The following SAMHD1 variants were observed in gnomAD, a reference collection of about 807,000 sequenced individuals.
SAMHD1 encodes the protein SAM and HD domain containing deoxynucleoside triphosphate triphosphohydrolase 1.
A neutral mutation model predicts 79.6 loss-of-function variants in SAMHD1; 54 were observed. The observed-to-expected ratio is 0.68, with a 90% CI of 0.55 to 0.85. The LOEUF is 0.85. SAMHD1 is among the 40% of genes least tolerant of loss of function. The pLI is 0.00. For missense variants in SAMHD1, 663 were observed against 782.7 expected (o/e 0.85, Z 1.82); for synonymous variants, 260 against 264.1 (o/e 0.98, Z 0.15).
intron 4 of SAMHD1, among the ~76,000 whole-genome samples, chr20:36,933,769 G>A (rs62208123): frequency 1.3e-5 from 2 of 152,120 alleles, no homozygotes; most frequent in South Asian, 2.1e-4. Flanking sequence ...GAGATTGGCC[G>A]GGCACGGTGG....
At position 36,935,157 on chromosome 20, in the gene SAMHD1, C is replaced by G. The variant is rs777593201; in HGVS notation, c.381G>C (p.Glu127Asp). Residue 127 changes from glutamate (E) to aspartate (D), a missense_variant, in exon 4 of 16, where the codon GAG (glutamate) becomes GAC (aspartate). By Grantham distance (45) the Glu-to-Asp change is conservative. Coordinates refer to ENST00000646673, the MANE Select transcript of SAMHD1 (RefSeq NM_015474.4). ...TGATTCGGACGAGGAGAGGGTGGAGCTCAATGTGGCCATGGATAGGATCAT... is the reference window on the plus strand; with the variant it reads ...TGATTCGGACGAGGAGAGGGTGGAGGTCAATGTGGCCATGGATAGGATCAT... ...VINDPIHGHI[E>D]LHPLLVRIID... is the part of the protein sequence containing the mutation. The G allele has an allele frequency of 5.6e-6, 9 of 1,613,530 alleles. No homozygotes were observed. Among genetic ancestry groups the G allele is most frequent in the Non-Finnish European group, 7.6e-6 (9 of 1,179,598 alleles).
chr20:36,893,946 G>C (rs1331175560), intron 15 of SAMHD1: 1 of 398,480 alleles, frequency 2.5e-6, no homozygotes, highest in East Asian at 3.6e-5. Flanking sequence ...GTGAGAAGAG[G>C]GCAGAGAAGT....
Position 36,928,633 on chromosome 20 carries a change from C to T in SAMHD1, c.626-1381G>A, listed in dbSNP as rs556061786. Among the ~76,000 whole-genome samples, 21 of 150,292 alleles carry T rather than the reference C, an allele frequency of 1.4e-4. No homozygotes were observed. The South Asian group carries it at 4.4e-3, about 32-fold the overall frequency. ...CCGGGAGGCGGAGGTTGCAGTGAGCCGAGATTGCGCCACTGCACTCCAGCC... is the reference window on the plus strand; with the variant it reads ...CCGGGAGGCGGAGGTTGCAGTGAGCTGAGATTGCGCCACTGCACTCCAGCC... On this transcript the variant is annotated intron_variant, in intron 5 of 15. Transcript: ENST00000646673.
chr20:36,915,414 G>C (rs1249271725), intron 9 of SAMHD1, among the ~76,000 whole-genome samples: 2 of 152,114 alleles, frequency 1.3e-5, no homozygotes, highest in African/African-American at 4.8e-5. Flanking sequence ...TCAACAGAAG[G>C]CTATTTAGTT....
rs1352293534 is a variant in SAMHD1, at chr20:36,890,546, C to T, written c.*2386G>A. On this transcript the variant is annotated 3_prime_UTR_variant, in exon 16 of 16. Coordinates refer to ENST00000646673, the MANE Select transcript of SAMHD1 (RefSeq NM_015474.4). ...GTGGCCTGATCTTGGCTCACTGCAACCTCTGCCTCCCGGATTCAAGCGATT... is the reference window on the plus strand; with the variant it reads ...GTGGCCTGATCTTGGCTCACTGCAATCTCTGCCTCCCGGATTCAAGCGATT... 1 of 151,946 alleles carries T rather than the reference C, an allele frequency of 6.6e-6. No homozygotes were observed. The highest frequency in any genetic ancestry group is 1.5e-5 in the Non-Finnish European group (1 of 68,046). The allele number at this position is 151,946 out of a possible 1,614,324, so 9.4% of individuals were successfully genotyped here. A position where few individuals can be genotyped will look rare whatever the true frequency, so the allele number is the denominator to read the frequency against.
At chr20:36,904,005 T>A in intron 13 of SAMHD1, 152 bp downstream of exon 13, 1 of 624,278 alleles carries the variant, frequency 1.6e-6, no homozygotes, top group Non-Finnish European at 2.9e-6. Flanking sequence ...CAAAATGTTT[T>A]TGTGGTTAAT....
Position 36,930,760 on chromosome 20 carries a change from C to T in SAMHD1, c.625G>A (p.Gly209Ser), listed in dbSNP as rs121434516. The T allele has an allele frequency of 5.0e-6, 8 of 1,601,102 alleles. No homozygotes were observed. Among genetic ancestry groups the T allele is most frequent in the African/African-American group, 1.3e-5 (1 of 74,552 alleles). The change falls in exon 5 of 16, where the codon GGT (glycine) becomes AGT (serine). Residue 209 changes from glycine (G) to serine (S), a missense_variant and splice_region_variant. By Grantham distance (56) the Gly-to-Ser change is moderately conservative. Coordinates refer to ENST00000646673, the MANE Select transcript of SAMHD1 (RefSeq NM_015474.4). The stretch of plus-strand genomic sequence containing the variant: ...AACTTTGTCTCTTTGTACAGCTTAC[C>T]GAGATCATGACAAAGTCCAGCAATC... ...VQIAGLCHDL[G>S]HGPFSHMFDG...
intron 2 of SAMHD1, among the ~76,000 whole-genome samples, chr20:36,942,575 G>T (rs1054702751): frequency 6.6e-6 from 1 of 152,104 alleles, no homozygotes. Flanking sequence ...TTTTATTCCT[G>T]TGTTCCAACA....
At chr20:36,930,022 C>T (rs1249744328) in intron 5 of SAMHD1, among the ~76,000 whole-genome samples, 2 of 145,024 alleles carry the variant, frequency 1.4e-5, no homozygotes, top group Non-Finnish European at 3.0e-5. Context: ...CCTAGGAGTT[C>T]GAGACCTGCC....
rs145874057 is a variant in SAMHD1 at position 36,927,455 on chromosome 20, T to C, written c.626-203A>G. ...GCCTCAGGCTACCGAGTAGCTGGGA[T>C]TACAGGCGTGTGCAACCACATCCAG... On this transcript the variant is annotated intron_variant, in intron 5 of 15. Coordinates refer to ENST00000646673, the MANE Select transcript of SAMHD1 (RefSeq NM_015474.4). Among the ~76,000 whole-genome samples, 313 of 151,904 alleles carry C rather than the reference T, an allele frequency of 2.1e-3. 1 individual carries two copies. Among genetic ancestry groups the C allele is most frequent in the African/African-American group, 7.4e-3 (308 of 41,428 alleles).
chr20:36,940,948 G>T, intron 3 of SAMHD1, 91 bp downstream of exon 3: 2 of 957,552 alleles, frequency 2.1e-6, no homozygotes, highest in Non-Finnish European at 3.3e-6. Flanking sequence ...CTGAGAAGCA[G>T]ATTTCCTCCT....
chr20:36,923,512 T>C (rs1348279030), intron 6 of SAMHD1, among the ~76,000 whole-genome samples: 1 of 152,176 alleles, frequency 6.6e-6, no homozygotes, highest in Non-Finnish European at 1.5e-5. Context: ...CAACTGTGAA[T>C]ATACTAGCAA....
intron 6 of SAMHD1, among the ~76,000 whole-genome samples, chr20:36,923,133 T>G (rs1265840055): frequency 1.3e-5 from 2 of 152,124 alleles, no homozygotes; most frequent in African/African-American, 4.8e-5. Context: ...CCTGAGTAGC[T>G]GGGACTACAG....
chr20:36,916,201 G>C (rs1027531865), intron 9 of SAMHD1, among the ~76,000 whole-genome samples: 1 of 152,006 alleles, frequency 6.6e-6, no homozygotes, highest in Non-Finnish European at 1.5e-5. Flanking sequence ...AACTTTTTGG[G>C]TTGAAATTCC....
Position 36,892,325 on chromosome 20 carries a change from T to C in SAMHD1, c.*607A>G, listed in dbSNP as rs1458803874. On this transcript the variant is annotated 3_prime_UTR_variant, in exon 16 of 16. Transcript: ENST00000646673. Reference sequence around the variant, plus strand: ...GAGGTGTCTTTCACTTATGCTTAGGTCACTCTTAGAGGACTATCCTCAAAC... The same window carrying C: ...GAGGTGTCTTTCACTTATGCTTAGGCCACTCTTAGAGGACTATCCTCAAAC... 1.2e-5 allele frequency: 2 copies of C among 162,266 alleles called. No individual in the cohort carries two copies. Among genetic ancestry groups the C allele is most frequent in the Non-Finnish European group, 2.7e-5 (2 of 74,630 alleles). The allele number at this position is 162,266 out of a possible 1,614,324, so 10.1% of individuals were successfully genotyped here.
intron 1 of SAMHD1, among the ~76,000 whole-genome samples, chr20:36,950,084 G>A (rs1438980587): frequency 6.6e-6 from 1 of 151,754 alleles, no homozygotes; most frequent in Non-Finnish European, 1.5e-5. Context: ...GAGCAATTGG[G>A]AACAGTTGGT....
chr20:36,929,297 GC>G (rs1254767113), intron 5 of SAMHD1, among the ~76,000 whole-genome samples: 1 of 152,088 alleles, frequency 6.6e-6, no homozygotes, highest in East Asian at 1.9e-4. Flanking sequence ...TAAAAAGAGT[GC>G]CTACTTGCTT....
Position 36,939,878 on chromosome 20 carries a change from T to C in SAMHD1, c.348+1161A>G, listed in dbSNP as rs1387345401. Reference sequence around the variant, plus strand: ...AAAACAAGAAACATTTCATCAAGTATGGTTTTAGAATCACTCTGAAGAGCT... The same window carrying C: ...AAAACAAGAAACATTTCATCAAGTACGGTTTTAGAATCACTCTGAAGAGCT... On this transcript the variant is annotated intron_variant, in intron 3 of 15. Transcript: ENST00000646673. Among the ~76,000 whole-genome samples, 6 of 152,130 alleles carry C rather than the reference T, an allele frequency of 3.9e-5. No individual in the cohort carries two copies. In the East Asian group the frequency reaches 1.2e-3, roughly 29 times the overall value.
intron 9 of SAMHD1, among the ~76,000 whole-genome samples, chr20:36,914,193 C>T (rs1160543075): frequency 6.6e-6 from 1 of 152,116 alleles, no homozygotes; most frequent in Non-Finnish European, 1.5e-5. Flanking sequence ...TTCACTTATA[C>T]AGATTTCCTT....
Sources: allele counts gnomAD v4.1 joint callset (sites outside exome capture counted in the v4.1 genomes callset), GRCh38; gene constraint gnomAD v4.1.1; transcripts MANE v1.5; gene names NCBI Gene and HGNC (gene_info 2026-07-23, HGNC 2026-07-21).